The following ATP10A variants were observed in gnomAD, a reference collection of about 807,000 sequenced individuals.
ATP10A encodes phospholipid-transporting ATPase VA.
ATP10A carries 111 observed loss-of-function variants against 147.8 expected under a neutral mutation model. The ratio of observed to expected loss-of-function variants is 0.75; its 90% CI spans 0.64 to 0.88. The LOEUF (loss-of-function observed/expected upper bound fraction) is 0.88, where lower values mean the gene tolerates loss of function less well. Ranked by LOEUF, ATP10A falls within the 40% of genes least tolerant of loss-of-function variation. ATP10A has a pLI of 0.00. For missense variants in ATP10A, 1,927 were observed against 1,959.0 expected (o/e 0.98, Z 0.31); for synonymous variants, 875 against 841.6 (o/e 1.04, Z -0.69).
intron 4 of ATP10A, among the ~76,000 whole-genome samples, chr15:25,726,747 T>C (rs369114983): frequency 6.6e-6 from 1 of 150,708 alleles, no homozygotes; most frequent in African/African-American, 2.4e-5. Context: ...CCAGCCATGC[T>C]ACTCTTAGAA....
chr15:25,774,358 T>C (rs888938477), intron 2 of ATP10A, among the ~76,000 whole-genome samples: 2 of 152,204 alleles, frequency 1.3e-5, no homozygotes, highest in African/African-American at 2.4e-5. Context: ...GTGGATCACC[T>C]GAGGTCCAGA....
At chr15:25,749,509 C>T (rs1044359210) in intron 2 of ATP10A, among the ~76,000 whole-genome samples, 2 of 152,160 alleles carry the variant, frequency 1.3e-5, no homozygotes, top group Non-Finnish European at 2.9e-5. Context: ...TCTTTAGATC[C>T]TCCTAACAAA....
intron 2 of ATP10A, 130 bp from the exon 3 acceptor site, chr15:25,736,271 C>A: frequency 1.4e-6 from 1 of 714,892 alleles, no homozygotes; most frequent in Non-Finnish European, 2.5e-6. Flanking sequence ...CTATGAATCT[C>A]TCTGGAAAGC....
At chr15:25,732,692 A>G (rs1373906547) in intron 3 of ATP10A, among the ~76,000 whole-genome samples, 1 of 150,456 alleles carries the variant, frequency 6.6e-6, no homozygotes, top group Non-Finnish European at 1.5e-5. Context: ...AGTAGCTGGG[A>G]CTACAGGCGC....
intron 1 of ATP10A, among the ~76,000 whole-genome samples, chr15:25,833,181 C>T (rs150283919): frequency 1.5e-3 from 235 of 152,150 alleles, no homozygotes; most frequent in African/African-American, 5.2e-3. Context: ...CGGGTTTTCA[C>T]CATGTTGGCT....
chr15:25,714,639 T>G (rs1901668454), intron 9 of ATP10A, among the ~76,000 whole-genome samples: 1 of 151,738 alleles, frequency 6.6e-6, no homozygotes, highest in Admixed American at 6.6e-5. Flanking sequence ...TGCAGGGGAG[T>G]TGCAGCTGGT....
chr15:25,730,466 C>T (rs1350120498), intron 3 of ATP10A, among the ~76,000 whole-genome samples: 1 of 152,096 alleles, frequency 6.6e-6, no homozygotes, highest in Non-Finnish European at 1.5e-5. Context: ...GTCATGAGTC[C>T]CCCAGGGCCA....
intron 1 of ATP10A, among the ~76,000 whole-genome samples, chr15:25,857,204 G>A (rs1893556534): frequency 6.6e-6 from 1 of 152,194 alleles, no homozygotes. Flanking sequence ...AGCACTTTGG[G>A]AGGTCAAGGA....
At chr15:25,859,392 C>T (rs116807021) in intron 1 of ATP10A, among the ~76,000 whole-genome samples, 89 of 152,318 alleles carry the variant, frequency 5.8e-4, no homozygotes, top group African/African-American at 2.0e-3. Flanking sequence ...GGGTCTCAAG[C>T]GCAGGCAGCC....
intron 15 of ATP10A, among the ~76,000 whole-genome samples, chr15:25,689,737 C>G (rs561514129): frequency 1.5e-4 from 23 of 152,354 alleles, no homozygotes; most frequent in African/African-American, 4.8e-4. Flanking sequence ...CTGTTCAAAG[C>G]TGCATCTCTG....
chr15:25,778,424 T>C (rs555488029), intron 2 of ATP10A, among the ~76,000 whole-genome samples: 16 of 151,604 alleles, frequency 1.1e-4, no homozygotes, highest in African/African-American at 3.6e-4. Context: ...GGGTGGTTCA[T>C]AGATTTCAGA....
rs566341273 is a variant in ATP10A, at chr15:25,720,395, A to G, written c.1363+1262T>C. Among the ~76,000 whole-genome samples the G allele has an allele frequency of 5.9e-5, 9 of 152,348 alleles. No homozygotes were observed. The South Asian group carries it at 1.9e-3, about 32-fold the overall frequency. ...GCCTCTGGTCACCTGGCTGTGCAACAGATCTCAAAACCTATTCCTCGTGTC... is the reference window on the plus strand; with the variant it reads ...GCCTCTGGTCACCTGGCTGTGCAACGGATCTCAAAACCTATTCCTCGTGTC... On this transcript the variant is annotated intron_variant, in intron 7 of 20. Transcript: ENST00000555815.
At chr15:25,682,071 A>G (rs1899449932) in intron 17 of ATP10A, among the ~76,000 whole-genome samples, 1 of 151,662 alleles carries the variant, frequency 6.6e-6, no homozygotes, top group South Asian at 2.1e-4. Flanking sequence ...AAAAAAAAAA[A>G]AAAAAGATGA....
In ATP10A at chr15:25,716,657, C is replaced by G. The variant is rs914234260; in HGVS notation, c.1776+73G>C. The G allele has an allele frequency of 3.6e-6, 5 of 1,405,904 alleles. No individual in the cohort carries two copies. In the African/African-American group the frequency reaches 7.3e-5, roughly 21 times the overall value. The allele number at this position is 1,405,904 out of a possible 1,614,324, so 87.1% of individuals were successfully genotyped here. On this transcript the variant is annotated intron_variant, in intron 9 of 20. Coordinates refer to ENST00000555815, the MANE Select transcript of ATP10A (RefSeq NM_024490.4). ...TGCAGGAAAGGGAAGGGCGCCTGCC[C>G]TCAGGAGGACTGACAACCATGGCCC...
At chr15:25,690,279 T>C (rs1899954362) in intron 15 of ATP10A, among the ~76,000 whole-genome samples, 1 of 151,532 alleles carries the variant, frequency 6.6e-6, no homozygotes, top group Admixed American at 6.6e-5. Flanking sequence ...GGTCTCATTG[T>C]ATTGCCCAAG....
intron 2 of ATP10A, among the ~76,000 whole-genome samples, chr15:25,741,911 A>G (rs1306954108): frequency 6.6e-6 from 1 of 152,242 alleles, no homozygotes; most frequent in African/African-American, 2.4e-5. Flanking sequence ...CACCGAACGT[A>G]CAAGGAAACT....
At chr15:25,855,761 T>C (rs1025877163) in intron 1 of ATP10A, among the ~76,000 whole-genome samples, 3 of 152,138 alleles carry the variant, frequency 2.0e-5, no homozygotes, top group Non-Finnish European at 4.4e-5. Flanking sequence ...AGTAAAACTA[T>C]CTCTGCTTAC....
chr15:25,758,096 C>T (rs866610299), intron 2 of ATP10A, among the ~76,000 whole-genome samples: 22 of 5,858 alleles, frequency 3.8e-3, no homozygotes, highest in Non-Finnish European at 5.6e-3. Flanking sequence ...CTCATTCCGA[C>T]CACCTGCTCC....
At chr15:25,683,621 C>A in intron 16 of ATP10A, 135 bp from the exon 17 acceptor site, 1 of 842,972 alleles carries the variant, frequency 1.2e-6, no homozygotes, top group Non-Finnish European at 1.8e-6. Flanking sequence ...CTGCCAAAGA[C>A]AGCCATGACC....
Sources: gnomAD v4.1 joint callset for allele counts (sites outside exome capture counted in the v4.1 genomes callset) on GRCh38, gnomAD v4.1.1 for gene constraint, MANE v1.5 for transcripts, NCBI Gene and HGNC (gene_info 2026-07-23, HGNC 2026-07-21) for gene names.